NEGR1: variants seen among roughly 807,000 people sequenced by gnomAD.
The protein encoded by NEGR1 is IgLON family member 4.
NEGR1 carries 10 observed loss-of-function variants against 40.9 expected under a neutral mutation model. The ratio of observed to expected loss-of-function variants is 0.24; its 90% CI spans 0.15 to 0.42. The LOEUF (loss-of-function observed/expected upper bound fraction) is 0.42. NEGR1 is among the 10% of genes least tolerant of loss of function. NEGR1 has a pLI of 1.00. For missense variants in NEGR1, 352 were observed against 438.9 expected (o/e 0.80, Z 1.77); for synonymous variants, 185 against 166.8 (o/e 1.11, Z -0.84).
intron 1 of NEGR1, among the ~76,000 whole-genome samples, chr1:72,183,027 C>T (rs546776933): frequency 1.3e-5 from 2 of 151,578 alleles, no homozygotes; most frequent in South Asian, 4.1e-4. Context: ...AAATCTAGAT[C>T]TCTTGTCTCC....
intron 2 of NEGR1, among the ~76,000 whole-genome samples, chr1:71,827,924 C>T (rs905209126): frequency 4.0e-5 from 6 of 151,746 alleles, no homozygotes; most frequent in East Asian, 1.9e-4. Context: ...CCAAATGAAA[C>T]GTCAGGTGAA....
Position 71,656,341 on chromosome 1 carries a change from T to G in NEGR1, c.667+41667A>C, listed in dbSNP as rs539571473. 7.2e-5 allele frequency among the ~76,000 whole-genome samples: 11 copies of G among 152,348 alleles called. No homozygotes were observed. In the South Asian group the frequency reaches 2.3e-3, roughly 32 times the overall value. ...CTTAACATTTCTGAGCCTTGGTTTA[T>G]CTATATAAAATGAGAGGGTTGACTA... On this transcript the variant is annotated intron_variant, in intron 4 of 6. Transcript: ENST00000357731.
intron 1 of NEGR1, among the ~76,000 whole-genome samples, chr1:72,178,338 G>C (rs1652247290): frequency 6.6e-6 from 1 of 151,758 alleles, no homozygotes; most frequent in African/African-American, 2.4e-5. Flanking sequence ...TACATTTATT[G>C]GTCCACTTCT....
intron 2 of NEGR1, among the ~76,000 whole-genome samples, chr1:71,873,506 T>C (rs931586635): frequency 1.3e-5 from 2 of 152,072 alleles, no homozygotes; most frequent in East Asian, 3.9e-4. Flanking sequence ...TTCCTCTCTT[T>C]AAAAGATAGG....
At chr1:71,786,079 G>A (rs1656897987) in intron 2 of NEGR1, among the ~76,000 whole-genome samples, 1 of 151,654 alleles carries the variant, frequency 6.6e-6, no homozygotes, top group Non-Finnish European at 1.5e-5. Flanking sequence ...TAATCATGAA[G>A]ATAATATACA....
At chr1:71,443,898 C>T (rs1008025606) in intron 6 of NEGR1, among the ~76,000 whole-genome samples, 2 of 152,164 alleles carry the variant, frequency 1.3e-5, no homozygotes, top group Non-Finnish European at 2.9e-5. Context: ...TCAACTGCAT[C>T]AGAGGATAAA....
At chr1:71,853,566 A>C (rs911112978) in intron 2 of NEGR1, among the ~76,000 whole-genome samples, 35 of 152,168 alleles carry the variant, frequency 2.3e-4, no homozygotes, top group African/African-American at 7.7e-4. Flanking sequence ...GATTTGCTTC[A>C]TTCAGAGTAG....
At chr1:71,904,264 T>A (rs934491775) in intron 2 of NEGR1, among the ~76,000 whole-genome samples, 1 of 152,010 alleles carries the variant, frequency 6.6e-6, no homozygotes, top group African/African-American at 2.4e-5. Flanking sequence ...TTAATTTATA[T>A]TGTTAATCGA....
intron 1 of NEGR1, among the ~76,000 whole-genome samples, chr1:72,081,619 T>G (rs939817483): frequency 6.6e-6 from 1 of 152,052 alleles, no homozygotes; most frequent in African/African-American, 2.4e-5. Context: ...TCCTATGAAA[T>G]AAGCACAGTG....
intron 4 of NEGR1, among the ~76,000 whole-genome samples, chr1:71,627,518 C>T (rs1407780249): frequency 2.6e-5 from 4 of 152,086 alleles, no homozygotes; most frequent in East Asian, 1.9e-4. Flanking sequence ...CACAGTGATG[C>T]TGTGTGACAA....
At chr1:71,415,360 C>A (rs1646348413) in intron 6 of NEGR1, among the ~76,000 whole-genome samples, 2 of 152,022 alleles carry the variant, frequency 1.3e-5, no homozygotes, top group Admixed American at 6.6e-5. Context: ...AGAGCTATTT[C>A]TCTGGCCGAC....
At chr1:71,816,471 G>T (rs143231576) in intron 2 of NEGR1, among the ~76,000 whole-genome samples, 1 of 152,046 alleles carries the variant, frequency 6.6e-6, no homozygotes, top group Non-Finnish European at 1.5e-5. Flanking sequence ...AGGAGCAAAG[G>T]CATGTCTTAG....
At chr1:72,253,427 A>C (rs1557599579) in intron 1 of NEGR1, among the ~76,000 whole-genome samples, 1 of 152,208 alleles carries the variant, frequency 6.6e-6, no homozygotes, top group Non-Finnish European at 1.5e-5. Flanking sequence ...AGTGGCAATA[A>C]GCCTGAAGAG....
At chr1:71,450,700 C>T (rs1465389726) in intron 6 of NEGR1, among the ~76,000 whole-genome samples, 1 of 151,766 alleles carries the variant, frequency 6.6e-6, no homozygotes, top group Non-Finnish European at 1.5e-5. Flanking sequence ...ATCCCAGGTA[C>T]TTGGGAGGCT....
chr1:71,477,088 C>T (rs1288561648), intron 6 of NEGR1: 1 of 152,108 alleles, frequency 6.6e-6, no homozygotes, highest in Non-Finnish European at 1.5e-5. Flanking sequence ...ATATTGTCAA[C>T]AAATCAATTT....
rs1274997742 is a variant in NEGR1 at position 71,401,661 on chromosome 1, AT to A, written c.*5784del. On this transcript the variant is annotated 3_prime_UTR_variant, in exon 7 of 7. Coordinates refer to ENST00000357731, the MANE Select transcript of NEGR1 (RefSeq NM_173808.3). ...ACTCAGATTAAAATCAGTATTGTGA[AT>A]TTTTTTAAAAGTGTGTATGTATTCT... 6.6e-6 allele frequency: 1 copy of A among 152,212 alleles called. No homozygotes were observed. 9.4% of individuals were successfully genotyped at this position (152,212 alleles called of 1,614,324 possible).
At chr1:72,252,950 T>G (rs1353879169) in intron 1 of NEGR1, among the ~76,000 whole-genome samples, 2 of 152,210 alleles carry the variant, frequency 1.3e-5, no homozygotes, top group Non-Finnish European at 2.9e-5. Flanking sequence ...CTAAGAGAGA[T>G]ATAAATTTGC....
chr1:71,954,319 A>AT (rs1381120493), intron 1 of NEGR1, among the ~76,000 whole-genome samples: 1 of 152,004 alleles, frequency 6.6e-6, no homozygotes, highest in East Asian at 1.9e-4. Context: ...ATGATAGATG[A>AT]TTTTAGATGT....
At chr1:71,596,751 C>A (rs764635810) in intron 5 of NEGR1, among the ~76,000 whole-genome samples, 34 of 152,280 alleles carry the variant, frequency 2.2e-4, no homozygotes, top group Non-Finnish European at 3.7e-4. Flanking sequence ...TCAGGAATAA[C>A]AACAGATATC....
Sources: gnomAD v4.1 joint callset for allele counts (sites outside exome capture counted in the v4.1 genomes callset) on GRCh38, gnomAD v4.1.1 for gene constraint, MANE v1.5 for transcripts, NCBI Gene and HGNC (gene_info 2026-07-23, HGNC 2026-07-21) for gene names.